GARRE1: variants seen among roughly 807,000 people sequenced by gnomAD.
The protein encoded by GARRE1 is granule associated Rac and RHOG effector 1, also known as granule associated Rac and RHOG effector protein 1.
In GARRE1, 49 loss-of-function variants were observed where a neutral mutation model predicts 103.2. That is an observed-to-expected ratio of 0.47 (90% confidence interval 0.38 to 0.60). The LOEUF (loss-of-function observed/expected upper bound fraction) is 0.60. Among genes scored for constraint, GARRE1 ranks in the 20% least tolerant of loss-of-function variants. GARRE1 has a pLI of 0.00. For missense variants in GARRE1, 1,199 were observed against 1,370.5 expected (o/e 0.87, Z 1.98); for synonymous variants, 505 against 532.8 (o/e 0.95, Z 0.72).
intron 10 of GARRE1, 67 bp downstream of exon 10, chr19:34,342,522 G>A: frequency 7.2e-7 from 1 of 1,393,032 alleles, no homozygotes; most frequent in South Asian, 1.3e-5. Context: ...TCTTCCCAGG[G>A]CCTGTCTGCT....
intron 3 of GARRE1, among the ~76,000 whole-genome samples, chr19:34,326,000 T>G (rs968441025): frequency 6.6e-6 from 1 of 152,190 alleles, no homozygotes; most frequent in Non-Finnish European, 1.5e-5. Context: ...CCCGCAGTGT[T>G]TTTTCTCCAT....
At chr19:34,302,747 T>G (rs888455627) in intron 2 of GARRE1, among the ~76,000 whole-genome samples, 13 of 150,864 alleles carry the variant, frequency 8.6e-5, no homozygotes, top group South Asian at 2.1e-4. Flanking sequence ...TTTTTTTTTT[T>G]TTTTTTTTTT....
intron 1 of GARRE1, among the ~76,000 whole-genome samples, chr19:34,269,283 A>G (rs1002293155): frequency 1.3e-5 from 2 of 152,196 alleles, no homozygotes; most frequent in Non-Finnish European, 2.9e-5. Context: ...TGAGATTGGT[A>G]GCGAGCCGGT....
At chr19:34,264,450 A>G (rs1289611939) in intron 1 of GARRE1, among the ~76,000 whole-genome samples, 4 of 151,860 alleles carry the variant, frequency 2.6e-5, no homozygotes, top group Non-Finnish European at 5.9e-5. Context: ...CCAGGCTAGA[A>G]TGCAGTGGCA....
intron 10 of GARRE1, among the ~76,000 whole-genome samples, chr19:34,346,854 G>A (rs897109350): frequency 6.6e-6 from 1 of 152,128 alleles, no homozygotes; most frequent in Non-Finnish European, 1.5e-5. Flanking sequence ...CTGACCTCAG[G>A]TAATCCACCT....
At chr19:34,301,007 T>A (rs932936766) in intron 2 of GARRE1, 39 bp downstream of exon 2, 18 of 1,558,174 alleles carry the variant, frequency 1.2e-5, no homozygotes, top group Admixed American at 1.8e-5. Flanking sequence ...TAGGAAAATA[T>A]ACTACAAAGG....
At chr19:34,283,209 A>C (rs1171982543) in intron 1 of GARRE1, among the ~76,000 whole-genome samples, 4 of 152,206 alleles carry the variant, frequency 2.6e-5, no homozygotes, top group Non-Finnish European at 5.9e-5. Flanking sequence ...AATCATAGCT[A>C]TCAATCTTTA....
intron 10 of GARRE1, among the ~76,000 whole-genome samples, chr19:34,347,078 C>G (rs374147689): frequency 2.6e-5 from 4 of 151,852 alleles, no homozygotes; most frequent in African/African-American, 9.7e-5. Flanking sequence ...TGCACACCAC[C>G]ACACCCAACT....
intron 11 of GARRE1, 36 bp from the exon 12 acceptor site, chr19:34,348,980 G>A: frequency 6.2e-7 from 1 of 1,604,584 alleles, no homozygotes; most frequent in Non-Finnish European, 8.5e-7. Context: ...TGGGGCTGCA[G>A]GAGGCCCTGG....
intron 4 of GARRE1, 32 bp from the exon 5 acceptor site, chr19:34,327,739 G>T (rs756311748): frequency 6.3e-7 from 1 of 1,581,878 alleles, no homozygotes; most frequent in Non-Finnish European, 8.7e-7. Flanking sequence ...TTTGCTTTAC[G>T]ATCTTGATTG....
At chr19:34,268,853 CT>C (rs2073768485) in intron 1 of GARRE1, among the ~76,000 whole-genome samples, 1 of 152,070 alleles carries the variant, frequency 6.6e-6, no homozygotes, top group Admixed American at 6.6e-5. Flanking sequence ...GTTTCATTTA[CT>C]TTTTTACTTA....
chr19:34,305,910 T>G (rs2074005598), intron 2 of GARRE1, among the ~76,000 whole-genome samples: 1 of 152,186 alleles, frequency 6.6e-6, no homozygotes, highest in Non-Finnish European at 1.5e-5. Context: ...AAGTATTTGG[T>G]GGGTTTTCCA....
intron 1 of GARRE1, among the ~76,000 whole-genome samples, chr19:34,293,149 C>T (rs2145233359): frequency 6.6e-6 from 1 of 152,288 alleles, no homozygotes; most frequent in African/African-American, 2.4e-5. Context: ...GAGATTTTTA[C>T]ATGCATATTA....
In GARRE1 at chr19:34,342,258, T is replaced by G; in HGVS notation, c.2324T>G (p.Leu775Arg). Residue 775 changes from leucine to arginine, a missense_variant, in exon 10 of 14, where the codon CTT becomes CGT. Transcript: ENST00000299505. ...GCTGTTGGAGCAGGTCTGTCTCCTCTTGGTCAGTGGCCTGGCATATCTGAT... is the reference window on the plus strand; with the variant it reads ...GCTGTTGGAGCAGGTCTGTCTCCTCGTGGTCAGTGGCCTGGCATATCTGAT... ...AQAVGAGLSP[L>R]GQWPGISDLS... 6.2e-7 allele frequency: 1 copy of G among 1,614,244 alleles called. No homozygotes were observed. Among genetic ancestry groups the G allele is most frequent in the Non-Finnish European group, 8.5e-7 (1 of 1,180,050 alleles).
At chr19:34,347,408 G>T (rs1295913939) in intron 10 of GARRE1, among the ~76,000 whole-genome samples, 4 of 152,154 alleles carry the variant, frequency 2.6e-5, no homozygotes, top group African/African-American at 9.6e-5. Flanking sequence ...GCTAATTTTT[G>T]TAGAGATGAG....
At chr19:34,323,031 T>C (rs1431425617) in intron 3 of GARRE1, among the ~76,000 whole-genome samples, 2 of 124,826 alleles carry the variant, frequency 1.6e-5, no homozygotes, top group Admixed American at 7.9e-5. Flanking sequence ...TTCTTTTTTT[T>C]TTTTTTTTTT....
At chr19:34,263,786 C>G (rs1334817785) in intron 1 of GARRE1, among the ~76,000 whole-genome samples, 1 of 152,096 alleles carries the variant, frequency 6.6e-6, no homozygotes, top group African/African-American at 2.4e-5. Context: ...CGCACCCGGT[C>G]TATGTTTTCA....
chr19:34,330,266 A>G lies in GARRE1; in HGVS notation c.1182A>G (p.Glu394=), dbSNP rs2074131336. ...ITSRDDFPVT[E]VLNQVCPSTW... is the part of the protein sequence containing the mutation. ...CCAGGGATGATTTTCCTGTGACTGA[A>G]GTGCTGAACCAGGTTTGCCCTTCCA... Residue 394 remains glutamate, a synonymous_variant, in exon 7 of 14, where the codon GAA becomes GAG. Coordinates refer to ENST00000299505, the MANE Select transcript of GARRE1 (RefSeq NM_014686.5). 2 of 1,614,192 alleles carry G rather than the reference A, an allele frequency of 1.2e-6. No individual in the cohort carries two copies. Among genetic ancestry groups the G allele is most frequent in the Non-Finnish European group, 1.7e-6 (2 of 1,180,026 alleles).
At chr19:34,255,357 C>T (rs2073665332) in intron 1 of GARRE1, among the ~76,000 whole-genome samples, 1 of 152,206 alleles carries the variant, frequency 6.6e-6, no homozygotes, top group Non-Finnish European at 1.5e-5. Flanking sequence ...TCCAGAGACT[C>T]AGCTTTGGGG....
Sources: gnomAD v4.1 joint callset for allele counts (sites outside exome capture counted in the v4.1 genomes callset) on GRCh38, gnomAD v4.1.1 for gene constraint, MANE v1.5 for transcripts, NCBI Gene and HGNC (gene_info 2026-07-23, HGNC 2026-07-21) for gene names.